The following ADAMTSL1 variants were observed in gnomAD, a reference collection of about 807,000 sequenced individuals.
ADAMTSL1 encodes ADAMTS like 1.
A neutral mutation model predicts 201.8 loss-of-function variants in ADAMTSL1; 126 were observed. The ratio of observed to expected loss-of-function variants is 0.62; its 90% CI spans 0.54 to 0.72. The LOEUF (loss-of-function observed/expected upper bound fraction) is 0.72. ADAMTSL1 is among the 30% of genes least tolerant of loss of function. The pLI is 0.00. For synonymous variants in ADAMTSL1, 1,121 were observed against 903.4 expected, an observed-to-expected ratio of 1.24 and a Z score of -4.32; for missense variants, 2,679 against 2,277.8, an observed-to-expected ratio of 1.18 and a Z score of -3.59.
intron 1 of ADAMTSL1, among the ~76,000 whole-genome samples, chr9:18,055,025 A>G (rs1822115367): frequency 6.6e-6 from 1 of 152,186 alleles, no homozygotes; most frequent in Non-Finnish European, 1.5e-5. Context: ...AGTGGGTGGC[A>G]CAGGCAGCCA....
At chr9:18,256,557 T>C (rs1255625947) in intron 2 of ADAMTSL1, among the ~76,000 whole-genome samples, 3 of 152,148 alleles carry the variant, frequency 2.0e-5, no homozygotes, top group East Asian at 1.9e-4. Flanking sequence ...GAAATGGGCA[T>C]AGACATGAAT....
chr9:18,604,733 A>G (rs1824900504), intron 4 of ADAMTSL1, among the ~76,000 whole-genome samples: 1 of 152,220 alleles, frequency 6.6e-6, no homozygotes, highest in Non-Finnish European at 1.5e-5. Context: ...ACACAAGTGT[A>G]TGTTCAAGTC....
At chr9:18,547,567 G>A (rs1350179034) in intron 3 of ADAMTSL1, among the ~76,000 whole-genome samples, 3 of 147,232 alleles carry the variant, frequency 2.0e-5, no homozygotes, top group Non-Finnish European at 4.5e-5. Context: ...CCTAAGCCAG[G>A]TAGAAAACTT....
intron 2 of ADAMTSL1, among the ~76,000 whole-genome samples, chr9:18,164,704 A>T (rs1196846792): frequency 1.3e-5 from 2 of 151,838 alleles, no homozygotes; most frequent in African/African-American, 4.8e-5. Flanking sequence ...TGGGTTTCTT[A>T]TCCAACATAA....
At chr9:18,431,491 G>A (rs988609289) in intron 2 of ADAMTSL1, among the ~76,000 whole-genome samples, 2 of 152,046 alleles carry the variant, frequency 1.3e-5, no homozygotes, top group Non-Finnish European at 2.9e-5. Flanking sequence ...ACTGCACTGG[G>A]GATAAGAATT....
At chr9:18,631,468 G>A (rs1269606656) in intron 5 of ADAMTSL1, among the ~76,000 whole-genome samples, 1 of 152,122 alleles carries the variant, frequency 6.6e-6, no homozygotes, top group Non-Finnish European at 1.5e-5. Context: ...ATAGTCAATT[G>A]TATTTTAAAA....
chr9:18,291,743 T>A (rs1412470657), intron 2 of ADAMTSL1, among the ~76,000 whole-genome samples: 5,565 of 114,284 alleles, frequency 0.049, 380 homozygotes, highest in African/African-American at 0.18. Context: ...TCTCTCTCTC[T>A]CTCTCACACA....
intron 3 of ADAMTSL1, among the ~76,000 whole-genome samples, chr9:18,564,175 T>A (rs1001800019): frequency 6.6e-6 from 1 of 152,224 alleles, no homozygotes; most frequent in Non-Finnish European, 1.5e-5. Context: ...GTCTGCGCAT[T>A]GCAAAGACTG....
intron 4 of ADAMTSL1, among the ~76,000 whole-genome samples, chr9:18,605,703 G>T (rs1366687495): frequency 2.0e-5 from 3 of 152,174 alleles, no homozygotes; most frequent in African/African-American, 7.2e-5. Flanking sequence ...TGGTGCTAAA[G>T]CTGCCAATTT....
chr9:18,257,204 A>C (rs1032012288), intron 2 of ADAMTSL1, among the ~76,000 whole-genome samples: 10 of 152,188 alleles, frequency 6.6e-5, no homozygotes, highest in African/African-American at 1.2e-4. Flanking sequence ...CATATTTGAA[A>C]TTTTTCATAA....
chr9:18,529,681 T>C (rs181922091), intron 2 of ADAMTSL1, among the ~76,000 whole-genome samples: 65 of 152,298 alleles, frequency 4.3e-4, no homozygotes, highest in Non-Finnish European at 6.9e-4. Context: ...GAGACTAGTG[T>C]TTCTGTTATA....
intron 1 of ADAMTSL1, among the ~76,000 whole-genome samples, chr9:17,966,358 T>C (rs1817977687): frequency 6.6e-6 from 1 of 152,056 alleles, no homozygotes; most frequent in South Asian, 2.1e-4. Flanking sequence ...AGAAATCAAA[T>C]ATATGACTTA....
intron 23 of ADAMTSL1, among the ~76,000 whole-genome samples, chr9:18,840,421 G>C (rs551657157): frequency 5.3e-5 from 8 of 152,170 alleles, no homozygotes; most frequent in Middle Eastern, 3.4e-3. Flanking sequence ...CAGTACCATG[G>C]TGTTTTGGTT....
At position 18,356,604 on chromosome 9, in the gene ADAMTSL1, A is replaced by AACACACAC. The variant is rs67090987; in HGVS notation, c.208-148199_208-148192dup. Reference sequence around the variant, plus strand: ...TATGCAGCTACTCAATACACAATAAAACACACACACACACACACACACACA... The same window carrying AACACACAC: ...TATGCAGCTACTCAATACACAATAAAACACACACACACACACACACACACACACACACA... On this transcript the variant is annotated intron_variant, in intron 2 of 29. Transcript: ENST00000680146. 1.5e-3 allele frequency among the ~76,000 whole-genome samples: 218 copies of AACACACAC among 143,548 alleles called. 2 individuals are homozygous for AACACACAC. Among genetic ancestry groups the AACACACAC allele is most frequent in the South Asian group, 9.9e-3 (44 of 4,450 alleles). The allele number at this position is 143,548 out of a possible 152,430, so 94.2% of individuals were successfully genotyped here.
At chr9:18,606,461 C>A (rs533921811) in intron 4 of ADAMTSL1, among the ~76,000 whole-genome samples, 4 of 152,280 alleles carry the variant, frequency 2.6e-5, no homozygotes, top group South Asian at 2.1e-4. Context: ...AAAACCATTT[C>A]TCTAAACAGA....
intron 2 of ADAMTSL1, among the ~76,000 whole-genome samples, chr9:18,314,173 A>T (rs1834267941): frequency 6.6e-6 from 1 of 152,182 alleles, no homozygotes; most frequent in African/African-American, 2.4e-5. Flanking sequence ...TCAAAAAGAC[A>T]AGAGATAGCA....
chr9:18,083,525 C>T (rs1183485913), intron 1 of ADAMTSL1, among the ~76,000 whole-genome samples: 1 of 152,106 alleles, frequency 6.6e-6, no homozygotes, highest in South Asian at 2.1e-4. Flanking sequence ...TTGGCTTGGT[C>T]CAAATGCTGT....
At chr9:18,884,949 T>G (rs1373163247) in intron 23 of ADAMTSL1, among the ~76,000 whole-genome samples, 1 of 152,232 alleles carries the variant, frequency 6.6e-6, no homozygotes, top group Non-Finnish European at 1.5e-5. Context: ...TGATGGGGAT[T>G]GCATTCAATC....
intron 1 of ADAMTSL1, among the ~76,000 whole-genome samples, chr9:18,138,537 C>A (rs571228218): frequency 4.6e-5 from 7 of 152,084 alleles, no homozygotes; most frequent in African/African-American, 7.2e-5. Flanking sequence ...AGCTGGTGTG[C>A]GGCCATGGCT....
Sources: gnomAD v4.1 joint callset for allele counts (sites outside exome capture counted in the v4.1 genomes callset) on GRCh38, gnomAD v4.1.1 for gene constraint, MANE v1.5 for transcripts, NCBI Gene and HGNC (gene_info 2026-07-23, HGNC 2026-07-21) for gene names.